The following DCP2 variants were observed in gnomAD, a reference collection of about 807,000 sequenced individuals.
The protein encoded by DCP2 is decapping mRNA 2.
DCP2 carries 30 observed loss-of-function variants against 56.1 expected under a neutral mutation model. That is an observed-to-expected ratio of 0.53 (90% CI 0.40 to 0.73). DCP2 has a LOEUF of 0.73. DCP2 is among the 30% of genes least tolerant of loss of function. The pLI is 0.00. For synonymous variants in DCP2, 197 were observed against 163.3 expected (o/e 1.21, Z -1.57); for missense variants, 533 against 502.7 (o/e 1.06, Z -0.58).
rs933653320 is a variant in DCP2 at position 112,994,504 on chromosome 5, T to G, written c.432+1734T>G. Among the ~76,000 whole-genome samples, 11 of 152,294 alleles carry G rather than the reference T, an allele frequency of 7.2e-5. No homozygotes were observed. The South Asian group carries it at 2.3e-3, about 32-fold the overall frequency. On this transcript the variant is annotated intron_variant, in intron 4 of 10. Coordinates refer to ENST00000389063, the MANE Select transcript of DCP2 (RefSeq NM_152624.6). Reference sequence around the variant, plus strand: ...TTACTTAAAATTCTATTTTAAAATCTTACCAGTCAGCTCTAGCAAACAGTA... The same window carrying G: ...TTACTTAAAATTCTATTTTAAAATCGTACCAGTCAGCTCTAGCAAACAGTA...
chr5:112,984,693 A>ATATATATATATATATATAT (rs1267092599), intron 1 of DCP2: 12 of 75,660 alleles, frequency 1.6e-4, no homozygotes, highest in African/African-American at 9.2e-4. Context: ...AATTAAAAAA[A>ATATATATATATATATATAT]AAAAAAAAAA....
chr5:113,001,668 A>C lies in DCP2; in HGVS notation c.800A>C (p.Lys267Thr). The change falls in exon 7 of 11, where the codon AAA (lysine) becomes ACA (threonine). Residue 267 changes from lysine (K) to threonine (T), a missense_variant. By Grantham distance (78) the Lys-to-Thr change is moderately conservative. Transcript: ENST00000389063. The stretch of plus-strand genomic sequence containing the variant: ...ACGCCGGCTAAACCCACTGTGGAAA[A>C]ATTGAGGTAAAGAAATACATTCATG... Reference protein sequence around the residue: ...GSTPAKPTVEKLSRTKFRHSQ... With the variant: ...GSTPAKPTVETLSRTKFRHSQ... 6.2e-7 allele frequency: 1 copy of C among 1,613,284 alleles called. No homozygotes were observed. Among genetic ancestry groups the C allele is most frequent in the Non-Finnish European group, 8.5e-7 (1 of 1,179,220 alleles).
intron 1 of DCP2, among the ~76,000 whole-genome samples, chr5:112,981,413 C>T (rs796170534): frequency 1.3e-5 from 2 of 151,896 alleles, no homozygotes; most frequent in African/African-American, 4.8e-5. Context: ...TTTTTCTTGC[C>T]CATTCCCTCG....
chr5:112,988,764 C>G (rs1748429948), intron 2 of DCP2, among the ~76,000 whole-genome samples: 1 of 152,130 alleles, frequency 6.6e-6, no homozygotes, highest in Admixed American at 6.5e-5. Context: ...TCTTAGTAGC[C>G]TGGTTTTCAG....
intron 1 of DCP2, among the ~76,000 whole-genome samples, chr5:112,983,542 A>G (rs1169132529): frequency 6.6e-6 from 1 of 152,216 alleles, no homozygotes; most frequent in Non-Finnish European, 1.5e-5. Context: ...AAAGACTCAC[A>G]GTAGGATTGA....
intron 1 of DCP2, among the ~76,000 whole-genome samples, chr5:112,980,505 G>A (rs1445923800): frequency 6.6e-6 from 1 of 152,086 alleles, no homozygotes; most frequent in African/African-American, 2.4e-5. Flanking sequence ...AGTTTTTTCC[G>A]TAACAAATTG....
chr5:112,996,299 TA>T (rs1283316209), intron 4 of DCP2, among the ~76,000 whole-genome samples: 2 of 152,216 alleles, frequency 1.3e-5, no homozygotes, highest in Non-Finnish European at 2.9e-5. Context: ...CTTCATAGTT[TA>T]TTAATGCCTC....
intron 7 of DCP2, among the ~76,000 whole-genome samples, chr5:113,003,296 T>C (rs1453664622): frequency 6.6e-6 from 1 of 152,248 alleles, no homozygotes; most frequent in Non-Finnish European, 1.5e-5. Flanking sequence ...AATTCGAGAC[T>C]GGATCTTTAC....
chr5:112,983,349 C>T (rs928528733), intron 1 of DCP2, among the ~76,000 whole-genome samples: 7 of 152,040 alleles, frequency 4.6e-5, no homozygotes, highest in Admixed American at 6.5e-5. Context: ...TTCAACAGAG[C>T]GGGCTGAGGA....
intron 1 of DCP2, among the ~76,000 whole-genome samples, chr5:112,982,435 C>A (rs999435183): frequency 6.6e-6 from 1 of 152,142 alleles, no homozygotes; most frequent in African/African-American, 2.4e-5. Flanking sequence ...TTCATCCTTT[C>A]TTGGTTTTCA....
At position 113,021,846 on chromosome 5, in the gene DCP2, T is replaced by G. The variant is rs956240326; in HGVS notation, c.*8362T>G. On this transcript the variant is annotated 3_prime_UTR_variant, in exon 11 of 11. Transcript: ENST00000389063. ...TTGATTACATTCCATTTTAATGATCTTTCTTTAAGAGGGGAAAAGACTCTC... is the reference window on the plus strand; with the variant it reads ...TTGATTACATTCCATTTTAATGATCGTTCTTTAAGAGGGGAAAAGACTCTC... 2.2e-4 allele frequency among the ~76,000 whole-genome samples: 34 copies of G among 152,244 alleles called. No homozygotes were observed. Among genetic ancestry groups the G allele is most frequent in the African/African-American group, 8.2e-4 (34 of 41,462 alleles).
chr5:112,979,692 T>A (rs541770420), intron 1 of DCP2, among the ~76,000 whole-genome samples: 1 of 152,348 alleles, frequency 6.6e-6, no homozygotes, highest in African/African-American at 2.4e-5. Context: ...TTGTAACCTT[T>A]AGACTGCTCA....
At chr5:113,000,791 A>G (rs766769884) in intron 4 of DCP2, among the ~76,000 whole-genome samples, 4 of 152,308 alleles carry the variant, frequency 2.6e-5, no homozygotes, top group African/African-American at 9.6e-5. Context: ...TAGCCTTCAG[A>G]ATTTTATTCT....
intron 4 of DCP2, among the ~76,000 whole-genome samples, chr5:112,999,065 T>C (rs1324214652): frequency 3.3e-5 from 5 of 152,236 alleles, no homozygotes; most frequent in Non-Finnish European, 7.3e-5. Flanking sequence ...AATCTGAAAC[T>C]CTTCCTTACT....
intron 1 of DCP2, chr5:112,984,703 A>AAAAAAAATATATAT: frequency 1.5e-5 from 1 of 64,856 alleles, no homozygotes; most frequent in African/African-American, 7.9e-5. Flanking sequence ...AAAAAAAAAA[A>AAAAAAAATATATAT]ATATATATAT....
In DCP2 at chr5:113,020,565, G is replaced by A. The variant is rs1750069334; in HGVS notation, c.*7081G>A. ...AGATTTATGTTGTTGTAGTTGAACA[G>A]CAACTGTTTTTTTCCCTCAGTGTTA... is the stretch of plus-strand genomic sequence containing the variant. On this transcript the variant is annotated 3_prime_UTR_variant, in exon 11 of 11. Transcript: ENST00000389063. 6.6e-6 allele frequency: 1 copy of A among 152,204 alleles called. No individual in the cohort carries two copies. Among genetic ancestry groups the A allele is most frequent in the Non-Finnish European group, 1.5e-5 (1 of 68,020 alleles). 9.4% of individuals were successfully genotyped at this position (152,204 alleles called of 1,614,324 possible).
rs1358281909 is a variant in DCP2, at chr5:113,019,150, AT to A, written c.*5670del. On this transcript the variant is annotated 3_prime_UTR_variant, in exon 11 of 11. Transcript: ENST00000389063. ...TCTGAGGTTCTAAATCTGTAGCTTC[AT>A]TTTGAGCACAAGTCTGCATTGTCAT... 1 of 152,202 alleles carries A rather than the reference AT, an allele frequency of 6.6e-6. No individual in the cohort carries two copies. Among genetic ancestry groups the A allele is most frequent in the East Asian group, 1.9e-4 (1 of 5,204 alleles). 9.4% of individuals were successfully genotyped at this position (152,202 alleles called of 1,614,324 possible).
At position 113,016,554 on chromosome 5, in the gene DCP2, T is replaced by C. The variant is rs1359788388; in HGVS notation, c.*3070T>C. ...TTGGTACTTTTCCTTATTAAGGCTT[T>C]AGTAATTTGTATGTAATGTCAAATA... On this transcript the variant is annotated 3_prime_UTR_variant, in exon 11 of 11. Transcript: ENST00000389063. The C allele has an allele frequency of 6.6e-6, 1 of 152,216 alleles. No individual in the cohort carries two copies. Among genetic ancestry groups the C allele is most frequent in the Non-Finnish European group, 1.5e-5 (1 of 68,032 alleles). 9.4% of individuals were successfully genotyped at this position (152,216 alleles called of 1,614,324 possible). A position where few individuals can be genotyped will look rare whatever the true frequency, so the allele number is the denominator to read the frequency against.
chr5:112,991,002 T>C (rs1028205178), intron 2 of DCP2, among the ~76,000 whole-genome samples: 2 of 152,222 alleles, frequency 1.3e-5, no homozygotes, highest in African/African-American at 2.4e-5. Flanking sequence ...CTCTCTGTTA[T>C]GAAACATTCC....
Sources: allele counts gnomAD v4.1 joint callset (sites outside exome capture counted in the v4.1 genomes callset), GRCh38; gene constraint gnomAD v4.1.1; transcripts MANE v1.5; gene names NCBI Gene and HGNC (gene_info 2026-07-23, HGNC 2026-07-21).